CTNNA2: variants seen among roughly 807,000 people sequenced by gnomAD.
CTNNA2 encodes catenin alpha 2.
CTNNA2 carries 42 observed loss-of-function variants against 101.0 expected under a neutral mutation model. The observed-to-expected ratio is 0.42, with a 90% CI of 0.32 to 0.54. CTNNA2 has a LOEUF of 0.54. Ranked by LOEUF, CTNNA2 falls within the 20% of genes least tolerant of loss-of-function variation. CTNNA2 has a pLI of 0.14. For synonymous variants in CTNNA2, 450 were observed against 456.4 expected (o/e 0.99, Z 0.18); for missense variants, 871 against 1,223.1 (o/e 0.71, Z 4.29).
intron 7 of CTNNA2, among the ~76,000 whole-genome samples, chr2:80,147,764 C>T (rs1312956812): frequency 6.6e-6 from 1 of 152,128 alleles, no homozygotes; most frequent in Non-Finnish European, 1.5e-5. Context: ...CTTCTCAGCC[C>T]CTACCTCCCT....
intron 1 of CTNNA2, among the ~76,000 whole-genome samples, chr2:79,605,741 AAAT>A (rs1677847242): frequency 6.6e-6 from 1 of 151,970 alleles, no homozygotes. Context: ...CCATCTCTAC[AAAT>A]AATGATGATA....
intron 2 of CTNNA2, among the ~76,000 whole-genome samples, chr2:79,734,478 C>A (rs957602388): frequency 6.6e-6 from 1 of 152,140 alleles, no homozygotes; most frequent in East Asian, 1.9e-4. Context: ...AATTGTAAGA[C>A]TCATTCTTAT....
intron 3 of CTNNA2, among the ~76,000 whole-genome samples, chr2:79,769,147 G>T (rs185129048): frequency 0.12 from 18,017 of 152,096 alleles, 1,178 homozygotes; most frequent in Admixed American, 0.17. Flanking sequence ...GAGCCACTGT[G>T]CTCGGCCTGT....
intron 9 of CTNNA2, among the ~76,000 whole-genome samples, chr2:80,439,150 T>G (rs1039715254): frequency 8.0e-5 from 12 of 149,886 alleles, no homozygotes; most frequent in African/African-American, 3.1e-4. Flanking sequence ...GTCTAAATAA[T>G]TTTTTGACTA....
At chr2:80,204,555 C>T (rs565376997) in intron 7 of CTNNA2, among the ~76,000 whole-genome samples, 2 of 152,302 alleles carry the variant, frequency 1.3e-5, no homozygotes, top group South Asian at 2.1e-4. Flanking sequence ...TCTGAGACCA[C>T]CTCAGTCTGG....
intron 2 of CTNNA2, among the ~76,000 whole-genome samples, chr2:79,203,561 A>C (rs1674064275): frequency 6.6e-6 from 1 of 152,238 alleles, no homozygotes. Flanking sequence ...AAAATAGCTC[A>C]AAGACAATGA....
chr2:79,668,217 G>A (rs1030038830), intron 2 of CTNNA2, among the ~76,000 whole-genome samples: 6 of 120,876 alleles, frequency 5.0e-5, no homozygotes, highest in Non-Finnish European at 9.6e-5. Flanking sequence ...TCCGCAGTCC[G>A]ACCTGGGCGA....
chr2:79,226,484 T>G (rs1048454452), intron 2 of CTNNA2, among the ~76,000 whole-genome samples: 3 of 152,192 alleles, frequency 2.0e-5, no homozygotes, highest in Non-Finnish European at 4.4e-5. Flanking sequence ...TTTCACCTGA[T>G]CCCTCACTCT....
intron 4 of CTNNA2, among the ~76,000 whole-genome samples, chr2:79,388,655 G>A (rs944347238): frequency 6.6e-6 from 1 of 152,082 alleles, no homozygotes; most frequent in Non-Finnish European, 1.5e-5. Context: ...ACATTGCTGG[G>A]CTCCAGACTT....
At chr2:79,284,856 T>G (rs1475826218) in intron 2 of CTNNA2, among the ~76,000 whole-genome samples, 1 of 144,132 alleles carries the variant, frequency 6.9e-6, no homozygotes, top group Admixed American at 7.0e-5. Flanking sequence ...TCCTTGTACC[T>G]CTGGTAGAAT....
chr2:79,492,002 A>C (rs1224374664), intron 4 of CTNNA2, among the ~76,000 whole-genome samples: 1 of 152,208 alleles, frequency 6.6e-6, no homozygotes, highest in African/African-American at 2.4e-5. Context: ...ATCTAGCTCC[A>C]CATATACTTG....
intron 4 of CTNNA2, among the ~76,000 whole-genome samples, chr2:79,453,004 G>T (rs1670774879): frequency 1.3e-5 from 2 of 152,052 alleles, no homozygotes; most frequent in South Asian, 4.1e-4. Flanking sequence ...TAATTAAAAA[G>T]TTATCTTCCT....
chr2:80,326,080 C>G (rs866669983), intron 7 of CTNNA2, among the ~76,000 whole-genome samples: 20 of 152,166 alleles, frequency 1.3e-4, no homozygotes, highest in South Asian at 2.1e-4. Context: ...ACCCCATCAT[C>G]ATTTTCAAAG....
intron 4 of CTNNA2, among the ~76,000 whole-genome samples, chr2:79,411,691 C>A (rs186976579): frequency 0.011 from 1,616 of 152,058 alleles, 24 homozygotes; most frequent in African/African-American, 0.036. Context: ...AGACAAGCAA[C>A]TGCTGAGAGA....
At chr2:79,521,054 C>T (rs982300116) in intron 1 of CTNNA2, among the ~76,000 whole-genome samples, 1 of 143,578 alleles carries the variant, frequency 7.0e-6, no homozygotes, top group African/African-American at 2.6e-5. Context: ...ACCAAAATAC[C>T]TGTCAAATTC....
intron 2 of CTNNA2, among the ~76,000 whole-genome samples, chr2:79,714,746 A>G (rs897732089): frequency 5.9e-5 from 9 of 152,182 alleles, no homozygotes; most frequent in Admixed American, 3.3e-4. Context: ...CTGAATTGTG[A>G]TAGATAAGAA....
intron 2 of CTNNA2, among the ~76,000 whole-genome samples, chr2:79,709,217 G>A (rs6704976): frequency 0.032 from 4,937 of 152,152 alleles, 247 homozygotes; most frequent in African/African-American, 0.11. Flanking sequence ...CCTAGCACCA[G>A]CAGAGTTCTA....
chr2:79,228,260 G>T (rs1260830279), intron 2 of CTNNA2, among the ~76,000 whole-genome samples: 1 of 152,128 alleles, frequency 6.6e-6, no homozygotes, highest in Admixed American at 6.6e-5. Flanking sequence ...TTTTCCTTTG[G>T]TATATCCTAG....
chr2:79,928,244 C>T (rs1216429865), intron 7 of CTNNA2, among the ~76,000 whole-genome samples: 1 of 152,026 alleles, frequency 6.6e-6, no homozygotes, highest in Non-Finnish European at 1.5e-5. Context: ...TGTTCTCTGT[C>T]CTATGGCAGC....
Sources: gnomAD v4.1 joint callset for allele counts (sites outside exome capture counted in the v4.1 genomes callset) on GRCh38, gnomAD v4.1.1 for gene constraint, MANE v1.5 for transcripts, NCBI Gene and HGNC (gene_info 2026-07-23, HGNC 2026-07-21) for gene names.